SYTL3: variants seen among roughly 807,000 people sequenced by gnomAD.
The protein encoded by SYTL3 is synaptotagmin like 3.
SYTL3 carries 88 observed loss-of-function variants against 82.1 expected under a neutral mutation model. The ratio of observed to expected loss-of-function variants is 1.07; its 90% CI spans 0.90 to 1.28. SYTL3 has a LOEUF of 1.28. SYTL3 is among the 50% of genes most tolerant of loss of function. SYTL3 has a pLI of 0.00. For missense variants in SYTL3, 831 were observed against 757.6 expected (o/e 1.10, Z -1.14); for synonymous variants, 311 against 289.4 (o/e 1.07, Z -0.76).
chr6:158,727,521 A>C (rs1051617836), intron 11 of SYTL3, among the ~76,000 whole-genome samples: 1 of 151,862 alleles, frequency 6.6e-6, no homozygotes, highest in Non-Finnish European at 1.5e-5. Context: ...TTCGGCCATG[A>C]GGCTTTATTA....
intron 16 of SYTL3, among the ~76,000 whole-genome samples, chr6:158,762,489 AGTAAAAC>A (rs533625131): frequency 6.6e-6 from 1 of 152,164 alleles, no homozygotes; most frequent in Non-Finnish European, 1.5e-5. Flanking sequence ...TTGGACCAAC[AGTAAAAC>A]GCATGACTGT....
chr6:158,647,866 C>A (rs1432747319), upstream of SYTL3, among the ~76,000 whole-genome samples: 1 of 152,250 alleles, frequency 6.6e-6, no homozygotes, highest in Non-Finnish European at 1.5e-5. Context: ...TGCGTGCAAT[C>A]ACCTTTCTTT....
chr6:158,732,812 T>C (rs1785583065), intron 11 of SYTL3, among the ~76,000 whole-genome samples: 1 of 152,232 alleles, frequency 6.6e-6, no homozygotes, highest in Non-Finnish European at 1.5e-5. Context: ...CTAGACACTC[T>C]GCCAAATAAT....
chr6:158,741,435 C>T (rs1786911684), intron 11 of SYTL3, among the ~76,000 whole-genome samples: 1 of 152,128 alleles, frequency 6.6e-6, no homozygotes, highest in African/African-American at 2.4e-5. Context: ...AAGAATTGGG[C>T]TCCTTCTGTT....
At chr6:158,720,231 G>A (rs7757540) in intron 10 of SYTL3, among the ~76,000 whole-genome samples, 27,803 of 151,798 alleles carry the variant, frequency 0.18, 3,143 homozygotes, top group Non-Finnish European at 0.26. Flanking sequence ...GTAAAACCCC[G>A]TCTCTACTAA....
upstream of SYTL3, among the ~76,000 whole-genome samples, chr6:158,646,643 C>T (rs1381726401): frequency 2.6e-5 from 4 of 152,194 alleles, no homozygotes; most frequent in Admixed American, 1.3e-4. Context: ...CCTGGGTGTT[C>T]GGCCTGAGCG....
At chr6:158,731,216 G>A (rs1034934435) in intron 11 of SYTL3, among the ~76,000 whole-genome samples, 13 of 149,978 alleles carry the variant, frequency 8.7e-5, no homozygotes, top group Non-Finnish European at 1.0e-4. Flanking sequence ...CCCGGGAGGC[G>A]GAGGTTGCAG....
At position 158,761,522 on chromosome 6, in the gene SYTL3, A is replaced by G. The variant is rs550208058; in HGVS notation, c.1415-554A>G. Among the ~76,000 whole-genome samples, 7 of 151,722 alleles carry G rather than the reference A, an allele frequency of 4.6e-5. No individual in the cohort carries two copies. In the South Asian group the frequency reaches 8.3e-4, roughly 18 times the overall value. On this transcript the variant is annotated intron_variant, in intron 15 of 17. Transcript: ENST00000611299. ...ACAGGGTTTCACCATGTTAGCCAGG[A>G]TGGTCTCGATCTCCTGACCTCATGA...
intron 6 of SYTL3, among the ~76,000 whole-genome samples, chr6:158,685,158 C>A (rs1779150549): frequency 6.6e-6 from 1 of 151,818 alleles, no homozygotes; most frequent in Middle Eastern, 3.2e-3. Context: ...CTTGGCAAAG[C>A]AACTGCAGCA....
chr6:158,759,940 G>A (rs1231614908), intron 14 of SYTL3, among the ~76,000 whole-genome samples: 1 of 152,012 alleles, frequency 6.6e-6, no homozygotes, highest in African/African-American at 2.4e-5. Flanking sequence ...TGTATTTTAT[G>A]TGTGGCCCAA....
Position 158,663,041 on chromosome 6 carries a change from G to A in SYTL3, c.-228G>A, listed in dbSNP as rs560014378. Reference sequence around the variant, plus strand: ...CGGGTAGCACGAGGCTCTGCGAGCCGTAACTCCGACAAACGCAGAACTTCT... The same window carrying A: ...CGGGTAGCACGAGGCTCTGCGAGCCATAACTCCGACAAACGCAGAACTTCT... On this transcript the variant is annotated 5_prime_UTR_variant, in exon 4 of 18. Coordinates refer to ENST00000611299, the MANE Select transcript of SYTL3 (RefSeq NM_001242394.2). 2.8e-5 allele frequency: 12 copies of A among 428,922 alleles called. No individual in the cohort carries two copies. The highest frequency in any genetic ancestry group is 4.0e-5 in the South Asian group (1 of 25,064). The allele number at this position is 428,922 out of a possible 1,614,324, so 26.6% of individuals were successfully genotyped here. A position where few individuals can be genotyped will look rare whatever the true frequency, so the allele number is the denominator to read the frequency against.
intron 6 of SYTL3, among the ~76,000 whole-genome samples, chr6:158,691,940 C>G (rs1413633512): frequency 6.7e-6 from 1 of 148,332 alleles, no homozygotes; most frequent in Non-Finnish European, 1.5e-5. Context: ...CGTGAGCCAC[C>G]GCGCCCGGCC....
At position 158,718,144 on chromosome 6, in the gene SYTL3, C is replaced by G; in HGVS notation, c.653C>G (p.Pro218Arg). 1 of 1,546,670 alleles carries G rather than the reference C, an allele frequency of 6.5e-7. No homozygotes were observed. Among genetic ancestry groups the G allele is most frequent in the Non-Finnish European group, 8.7e-7 (1 of 1,145,086 alleles). Residue 218 changes from proline to arginine, a missense_variant, in exon 10 of 18, where the codon CCC becomes CGC. Physicochemically the swap from Pro to Arg is moderately radical, Grantham distance 103. Transcript: ENST00000611299. Reference sequence around the variant, plus strand: ...GAGAAGCATCTTCTCGCCACGGGCCCCAGGCAGTGTGTGGGACAGACAGAG... The same window carrying G: ...GAGAAGCATCTTCTCGCCACGGGCCGCAGGCAGTGTGTGGGACAGACAGAG... ...TSEKHLLATG[P>R]RQCVGQTERR...
chr6:158,695,617 A>T (rs1780477473), intron 6 of SYTL3, among the ~76,000 whole-genome samples: 1 of 152,218 alleles, frequency 6.6e-6, no homozygotes, highest in Non-Finnish European at 1.5e-5. Context: ...TTGCATTGTT[A>T]TGCAAACATC....
intron 5 of SYTL3, among the ~76,000 whole-genome samples, chr6:158,670,625 T>C (rs1777258348): frequency 6.6e-6 from 1 of 151,400 alleles, no homozygotes; most frequent in Non-Finnish European, 1.5e-5. Flanking sequence ...CTACTGAAAA[T>C]ACAAAAATTA....
Position 158,748,132 on chromosome 6 carries a change from C to G in SYTL3, c.1034+2474C>G, listed in dbSNP as rs115398509. ...TCACATTACAAGCGGAATTGATTTT[C>G]TATATATAGTTTAAGGCAGGGGCCT... On this transcript the variant is annotated intron_variant, in intron 12 of 17. Coordinates refer to ENST00000611299, the MANE Select transcript of SYTL3 (RefSeq NM_001242394.2). Among the ~76,000 whole-genome samples the G allele has an allele frequency of 3.0e-3, 428 of 143,424 alleles. 2 individuals carry two copies. Among genetic ancestry groups the G allele is most frequent in the African/African-American group, 0.011 (407 of 38,128 alleles). The allele number at this position is 143,424 out of a possible 152,430, so 94.1% of individuals were successfully genotyped here.
intron 4 of SYTL3, among the ~76,000 whole-genome samples, chr6:158,664,202 T>A (rs1163732749): frequency 6.6e-6 from 1 of 152,238 alleles, no homozygotes; most frequent in Non-Finnish European, 1.5e-5. Context: ...TCATCCTCCC[T>A]GTTATTTCAA....
chr6:158,697,375 A>G (rs1419957844), intron 6 of SYTL3, among the ~76,000 whole-genome samples: 1 of 151,412 alleles, frequency 6.6e-6, no homozygotes, highest in Non-Finnish European at 1.5e-5. Flanking sequence ...ATTTGAATCT[A>G]TGGTGAGCCA....
intron 7 of SYTL3, among the ~76,000 whole-genome samples, chr6:158,707,883 C>T (rs1782283486): frequency 6.6e-6 from 1 of 152,182 alleles, no homozygotes. Context: ...TTTTCCTCCC[C>T]TGTTCTTTCC....
Sources: allele counts gnomAD v4.1 joint callset (sites outside exome capture counted in the v4.1 genomes callset), GRCh38; gene constraint gnomAD v4.1.1; transcripts MANE v1.5; gene names NCBI Gene and HGNC (gene_info 2026-07-23, HGNC 2026-07-21).